RABGAP1L: variants seen among roughly 807,000 people sequenced by gnomAD.
RABGAP1L encodes the protein rab GTPase-activating protein 1-like.
RABGAP1L carries 63 observed loss-of-function variants against 137.7 expected under a neutral mutation model. The observed-to-expected ratio is 0.46, with a 90% CI of 0.37 to 0.56. RABGAP1L has a LOEUF of 0.56. RABGAP1L is among the 20% of genes least tolerant of loss of function. The probability of loss-of-function intolerance (pLI) is 0.00; values close to 1 mark genes in which losing one functional copy is unlikely to be tolerated. For synonymous variants in RABGAP1L, 431 were observed against 433.7 expected, an observed-to-expected ratio of 0.99 and a Z score of 0.08; for missense variants, 1,095 against 1,244.0, an observed-to-expected ratio of 0.88 and a Z score of 1.80.
chr1:174,919,932 A>T (rs972172760), intron 19 of RABGAP1L, among the ~76,000 whole-genome samples: 3 of 152,202 alleles, frequency 2.0e-5, no homozygotes, highest in Non-Finnish European at 4.4e-5. Flanking sequence ...ATAAAAGTTT[A>T]TTTGGGGTCA....
At chr1:174,380,905 T>C (rs1250112281) in intron 12 of RABGAP1L, among the ~76,000 whole-genome samples, 1 of 136,714 alleles carries the variant, frequency 7.3e-6, no homozygotes, top group Non-Finnish European at 1.6e-5. Context: ...GGATCTCTCC[T>C]GCTTTCTCTT....
At chr1:174,400,606 A>G (rs138575703) in intron 13 of RABGAP1L, among the ~76,000 whole-genome samples, 11 of 152,316 alleles carry the variant, frequency 7.2e-5, no homozygotes, top group African/African-American at 2.4e-4. Context: ...AGTATGAAGC[A>G]ATGTCTTTTT....
rs1674647114 is a variant in RABGAP1L at position 174,272,566 on chromosome 1, A to G, written c.1053+86A>G. 3.6e-6 allele frequency: 5 copies of G among 1,399,924 alleles called. No homozygotes were observed. In the African/African-American group the frequency reaches 7.5e-5, roughly 21 times the overall value. 86.7% of individuals were successfully genotyped at this position (1,399,924 alleles called of 1,614,324 possible). A position where few individuals can be genotyped will look rare whatever the true frequency, so the allele number is the denominator to read the frequency against. ...GTATTTTCTATTTACAAATTTTGTC[A>G]TATTGTCAAAATTATTTCTTGCAGC... On this transcript the variant is annotated intron_variant, in intron 8 of 25. Transcript: ENST00000681986.
At chr1:174,664,794 A>G (rs912764394) in intron 14 of RABGAP1L, among the ~76,000 whole-genome samples, 36 of 133,592 alleles carry the variant, frequency 2.7e-4, no homozygotes, top group African/African-American at 1.0e-3. Context: ...CTGGAGTGCA[A>G]TGGTGTGATC....
At chr1:174,725,352 C>T (rs1681894668) in intron 17 of RABGAP1L, among the ~76,000 whole-genome samples, 1 of 152,174 alleles carries the variant, frequency 6.6e-6, no homozygotes, top group African/African-American at 2.4e-5. Context: ...TAGGAAACAT[C>T]ATCCCCAAAA....
chr1:174,328,000 T>C (rs796525684), intron 11 of RABGAP1L, among the ~76,000 whole-genome samples: 68 of 104,122 alleles, frequency 6.5e-4, no homozygotes, highest in African/African-American at 2.1e-3. Context: ...TATATATATA[T>C]ATATATATAT....
At chr1:174,326,759 A>G (rs1310441825) in intron 11 of RABGAP1L, among the ~76,000 whole-genome samples, 3 of 152,232 alleles carry the variant, frequency 2.0e-5, no homozygotes, top group Non-Finnish European at 2.9e-5. Flanking sequence ...AAGATATATT[A>G]GAAACAAACT....
At chr1:174,455,270 A>T (rs1655918613) in intron 13 of RABGAP1L, among the ~76,000 whole-genome samples, 1 of 152,216 alleles carries the variant, frequency 6.6e-6, no homozygotes, top group Admixed American at 6.5e-5. Context: ...AAAAATTTGA[A>T]AACTTCCAAA....
At chr1:174,579,145 A>G (rs1001114190) in intron 13 of RABGAP1L, among the ~76,000 whole-genome samples, 3 of 152,124 alleles carry the variant, frequency 2.0e-5, no homozygotes, top group Non-Finnish European at 2.9e-5. Context: ...TTTAATGTTG[A>G]GTACAATGTT....
intron 18 of RABGAP1L, among the ~76,000 whole-genome samples, chr1:174,757,802 G>T (rs1684882465): frequency 1.3e-5 from 2 of 151,708 alleles, no homozygotes; most frequent in Admixed American, 6.6e-5. Flanking sequence ...GCCAAGGTGG[G>T]TGAATTAGGT....
intron 11 of RABGAP1L, among the ~76,000 whole-genome samples, chr1:174,366,006 T>A (rs543524243): frequency 6.6e-6 from 1 of 150,536 alleles, no homozygotes; most frequent in Non-Finnish European, 1.5e-5. Context: ...AACTCTATTA[T>A]AAATTTTGAT....
intron 13 of RABGAP1L, among the ~76,000 whole-genome samples, chr1:174,505,875 A>C (rs1661767742): frequency 6.6e-6 from 1 of 152,206 alleles, no homozygotes; most frequent in Non-Finnish European, 1.5e-5. Flanking sequence ...ATTAATCACA[A>C]TAGCCAGGAT....
intron 11 of RABGAP1L, among the ~76,000 whole-genome samples, chr1:174,320,889 T>C (rs1385136410): frequency 1.3e-5 from 2 of 152,030 alleles, no homozygotes; most frequent in African/African-American, 2.4e-5. Flanking sequence ...AAGAACAGGG[T>C]AACAGTGATG....
At chr1:174,875,541 T>G (rs1652945736) in intron 19 of RABGAP1L, 1 of 985,230 alleles carries the variant, frequency 1.0e-6, no homozygotes, top group South Asian at 4.7e-5. Flanking sequence ...CAGATATCCA[T>G]GTGTGGAAGC....
intron 19 of RABGAP1L, among the ~76,000 whole-genome samples, chr1:174,835,999 C>A (rs1293871230): frequency 6.6e-6 from 1 of 152,188 alleles, no homozygotes; most frequent in African/African-American, 2.4e-5. Flanking sequence ...GGTTCAGAAT[C>A]CCCATGCCTA....
chr1:174,625,173 A>G (rs1157402008), intron 13 of RABGAP1L, among the ~76,000 whole-genome samples: 1 of 151,648 alleles, frequency 6.6e-6, no homozygotes, highest in African/African-American at 2.4e-5. Context: ...TGCCTGGCCT[A>G]TCTTGCTTTA....
chr1:174,519,609 C>G (rs1201453349), intron 13 of RABGAP1L, among the ~76,000 whole-genome samples: 2 of 152,118 alleles, frequency 1.3e-5, no homozygotes, highest in Non-Finnish European at 2.9e-5. Flanking sequence ...CATGTTCACA[C>G]TCATTATTAA....
At chr1:174,374,470 A>G (rs72713551) in intron 12 of RABGAP1L, among the ~76,000 whole-genome samples, 4,809 of 152,236 alleles carry the variant, frequency 0.032, 108 homozygotes, top group Non-Finnish European at 0.044. Context: ...CACAACACCT[A>G]AAACTAATAC....
chr1:174,767,658 T>G (rs1487415847), intron 18 of RABGAP1L, among the ~76,000 whole-genome samples: 1 of 152,170 alleles, frequency 6.6e-6, no homozygotes, highest in East Asian at 1.9e-4. Flanking sequence ...TCTTATAACC[T>G]GCAACCTTGT....
Sources: gnomAD v4.1 joint callset for allele counts (sites outside exome capture counted in the v4.1 genomes callset) on GRCh38, gnomAD v4.1.1 for gene constraint, MANE v1.5 for transcripts, NCBI Gene and HGNC (gene_info 2026-07-23, HGNC 2026-07-21) for gene names.